FSTL4: variants seen among roughly 807,000 people sequenced by gnomAD.
The protein encoded by FSTL4 is follistatin-related protein 4.
FSTL4 carries 28 observed loss-of-function variants against 78.2 expected under a neutral mutation model. That is an observed-to-expected ratio of 0.36 (90% CI 0.27 to 0.49). The LOEUF is 0.49. Ranked by LOEUF, FSTL4 falls within the 20% of genes least tolerant of loss-of-function variation. FSTL4 has a pLI of 0.98. For synonymous variants in FSTL4, 422 were observed against 440.5 expected, an observed-to-expected ratio of 0.96 and a Z score of 0.53; for missense variants, 922 against 1,084.9, an observed-to-expected ratio of 0.85 and a Z score of 2.11.
At chr5:133,753,261 G>T in the FSTL4 span, among the ~76,000 whole-genome samples, 1 of 152,128 alleles carries the variant, frequency 6.6e-6, no homozygotes, top group Non-Finnish European at 1.5e-5. Flanking sequence ...AGATCTGGAG[G>T]GTTCTTTTGG....
intron 2 of FSTL4, among the ~76,000 whole-genome samples, chr5:133,600,128 G>A (rs997325211): frequency 2.0e-5 from 3 of 152,090 alleles, no homozygotes; most frequent in Non-Finnish European, 4.4e-5. Context: ...AGTAGAAATC[G>A]TACTTTTAAG....
rs548696402 is a variant in FSTL4 at position 133,526,886 on chromosome 5, G to A, written c.160+40300C>T. 4.6e-5 allele frequency among the ~76,000 whole-genome samples: 7 copies of A among 152,282 alleles called. 1 individual carries two copies. The South Asian group carries it at 1.5e-3, about 32-fold the overall frequency. Reference sequence around the variant, plus strand: ...TGAGCTTGAGTGGACAGAGTTGCCAGCCAACTTCCTTCACCTCCAAAAGGC... The same window carrying A: ...TGAGCTTGAGTGGACAGAGTTGCCAACCAACTTCCTTCACCTCCAAAAGGC... On this transcript the variant is annotated intron_variant, in intron 3 of 15. Coordinates refer to ENST00000265342, the MANE Select transcript of FSTL4 (RefSeq NM_015082.2).
chr5:133,498,397 G>T (rs78797609), intron 3 of FSTL4, among the ~76,000 whole-genome samples: 4 of 152,100 alleles, frequency 2.6e-5, no homozygotes. Context: ...TTATTGATAC[G>T]TCTATACATT....
chr5:133,755,192 C>A, the FSTL4 span, among the ~76,000 whole-genome samples: 1 of 152,156 alleles, frequency 6.6e-6, no homozygotes, highest in Non-Finnish European at 1.5e-5. Flanking sequence ...GTTTCCATGA[C>A]CCCTTGGGCA....
intron 3 of FSTL4, among the ~76,000 whole-genome samples, chr5:133,464,557 T>G (rs1410807623): frequency 6.6e-6 from 1 of 152,162 alleles, no homozygotes; most frequent in Admixed American, 6.5e-5. Flanking sequence ...TTGACTCCTG[T>G]GGCACAAGCA....
intron 4 of FSTL4, among the ~76,000 whole-genome samples, chr5:133,333,372 T>G (rs1304487590): frequency 6.6e-6 from 1 of 152,254 alleles, no homozygotes; most frequent in Non-Finnish European, 1.5e-5. Context: ...ATTCTTGTTT[T>G]GTTTTTCTGC....
intron 3 of FSTL4, among the ~76,000 whole-genome samples, chr5:133,446,521 A>G (rs1055645131): frequency 6.6e-6 from 1 of 151,872 alleles, no homozygotes; most frequent in African/African-American, 2.4e-5. Flanking sequence ...TCTGCTCCCA[A>G]CTTGCTGACA....
At chr5:133,375,311 T>TAA (rs1281825007) in intron 4 of FSTL4, among the ~76,000 whole-genome samples, 1 of 138,464 alleles carries the variant, frequency 7.2e-6, no homozygotes, top group African/African-American at 2.6e-5. Context: ...TATATATATA[T>TAA]AAAAGACTCT....
chr5:133,369,264 A>G (rs1329612195), intron 4 of FSTL4, among the ~76,000 whole-genome samples: 2 of 152,204 alleles, frequency 1.3e-5, no homozygotes, highest in Admixed American at 6.5e-5. Flanking sequence ...CTCTTAATAA[A>G]ACAAAAAGCC....
At chr5:133,729,154 A>AT in the FSTL4 span, among the ~76,000 whole-genome samples, 1 of 152,130 alleles carries the variant, frequency 6.6e-6, no homozygotes, top group Admixed American at 6.6e-5. Flanking sequence ...TATCAAGGAA[A>AT]TAAAAGAACC....
intron 6 of FSTL4, among the ~76,000 whole-genome samples, chr5:133,305,475 T>C (rs1753635761): frequency 6.6e-6 from 1 of 152,216 alleles, no homozygotes; most frequent in South Asian, 2.1e-4. Context: ...TCTGCCTAGT[T>C]ATCTCTAGCT....
intron 3 of FSTL4, among the ~76,000 whole-genome samples, chr5:133,546,899 G>C (rs1759586098): frequency 6.6e-6 from 1 of 152,154 alleles, no homozygotes; most frequent in Non-Finnish European, 1.5e-5. Context: ...CAATTTTGCA[G>C]GCATGAAGAA....
chr5:133,319,677 T>C (rs539615184), intron 4 of FSTL4, among the ~76,000 whole-genome samples: 5 of 152,312 alleles, frequency 3.3e-5, no homozygotes, highest in Non-Finnish European at 7.4e-5. Flanking sequence ...TGTGGCACCG[T>C]ACATCATGCT....
At chr5:133,644,871 C>T in the FSTL4 span, among the ~76,000 whole-genome samples, 2 of 152,144 alleles carry the variant, frequency 1.3e-5, no homozygotes, top group African/African-American at 4.8e-5. Flanking sequence ...AGATCAGAGG[C>T]TGGAAGAACA....
the FSTL4 span, among the ~76,000 whole-genome samples, chr5:133,660,822 A>G: frequency 3.3e-5 from 5 of 152,338 alleles, no homozygotes; most frequent in East Asian, 5.8e-4. Flanking sequence ...CTTTGAAGGA[A>G]AAAAAGCAAT....
the FSTL4 span, among the ~76,000 whole-genome samples, chr5:133,665,500 TAAGCCCGAC>T: frequency 6.6e-6 from 1 of 152,190 alleles, no homozygotes; most frequent in Non-Finnish European, 1.5e-5. Flanking sequence ...CCAGATATTC[TAAGCCCGAC>T]ATGCCTCTGC....
chr5:133,311,115 G>A (rs945788908), intron 6 of FSTL4, among the ~76,000 whole-genome samples: 39 of 152,252 alleles, frequency 2.6e-4, no homozygotes, highest in African/African-American at 8.4e-4. Flanking sequence ...AATTTAAAGC[G>A]ACCAAGTGTC....
At chr5:133,358,663 G>T (rs1442272245) in intron 4 of FSTL4, among the ~76,000 whole-genome samples, 9 of 147,958 alleles carry the variant, frequency 6.1e-5, no homozygotes, top group Non-Finnish European at 1.3e-4. Context: ...GCAGTGGCGC[G>T]ATCTCAGTTC....
the FSTL4 span, among the ~76,000 whole-genome samples, chr5:133,771,248 C>A: frequency 6.6e-6 from 1 of 151,820 alleles, no homozygotes; most frequent in East Asian, 1.9e-4. Flanking sequence ...TTTTTTCTGA[C>A]TCTGAAAAAC....
Sources: gnomAD v4.1 joint callset for allele counts (sites outside exome capture counted in the v4.1 genomes callset) on GRCh38, gnomAD v4.1.1 for gene constraint, MANE v1.5 for transcripts, NCBI Gene and HGNC (gene_info 2026-07-23, HGNC 2026-07-21) for gene names.